ANO9: variants seen among roughly 807,000 people sequenced by gnomAD.
ANO9 encodes anoctamin-9.
ANO9 carries 80 observed loss-of-function variants against 100.5 expected under a neutral mutation model. That is an observed-to-expected ratio of 0.80 (90% confidence interval 0.66 to 0.96). ANO9 has a LOEUF of 0.96. ANO9 is among the 40% of genes least tolerant of loss of function. ANO9 has a pLI of 0.00. For synonymous variants in ANO9, 473 were observed against 435.6 expected (o/e 1.09, Z -1.07); for missense variants, 1,064 against 1,072.7 (o/e 0.99, Z 0.11).
chr11:439,837 C>G (rs772692875), intron 1 of ANO9, among the ~76,000 whole-genome samples: 34 of 152,312 alleles, frequency 2.2e-4, no homozygotes, highest in Non-Finnish European at 4.1e-4. Flanking sequence ...ACCCCCCGGC[C>G]CCTCCAGCTG....
At position 431,998 on chromosome 11, in the gene ANO9, C is replaced by G. The variant is rs199962954; in HGVS notation, c.406+1G>C. ...TGTCAGTGCCCCACCCCTGCCCTTA[C>G]CACCAGCCGAGGTCTTGTTGTTCAT... On this transcript the variant is annotated splice_donor_variant, in intron 5 of 22. Coordinates refer to ENST00000332826, the MANE Select transcript of ANO9 (RefSeq NM_001012302.3). LOFTEE classifies it high-confidence loss of function. 3.1e-6 allele frequency: 5 copies of G among 1,613,092 alleles called. No homozygotes were observed. The East Asian group carries it at 8.9e-5, about 29-fold the overall frequency.
At chr11:438,805 G>A (rs947442048) in intron 1 of ANO9, among the ~76,000 whole-genome samples, 23 of 152,254 alleles carry the variant, frequency 1.5e-4, no homozygotes, top group African/African-American at 4.8e-4. Flanking sequence ...CAGACTGTTC[G>A]GTTTATCCAC....
At chr11:420,905 G>A in intron 17 of ANO9, 40 bp downstream of exon 17, 2 of 1,595,858 alleles carry the variant, frequency 1.3e-6, no homozygotes, top group Non-Finnish European at 1.7e-6. Context: ...GGGGCGGAGG[G>A]GCCTGGGGCT....
At chr11:420,886 A>T (rs1275576036) in intron 17 of ANO9, 26 bp from the exon 18 acceptor site, 56 of 1,587,494 alleles carry the variant, frequency 3.5e-5, no homozygotes, top group Middle Eastern at 1.8e-4. Flanking sequence ...CGTGGCAGGG[A>T]GGGCGCAGGG....
At chr11:429,686 T>C (rs1021184931) in intron 10 of ANO9, 34 bp from the exon 11 acceptor site, 1 of 1,612,408 alleles carries the variant, frequency 6.2e-7, no homozygotes, top group Non-Finnish European at 8.5e-7. Flanking sequence ...ATCACTGCAC[T>C]ACGCCAGGTG....
At chr11:429,842 G>A (rs373298636) in intron 9 of ANO9, 24 bp from the exon 10 acceptor site, 12 of 1,575,170 alleles carry the variant, frequency 7.6e-6, no homozygotes, top group Admixed American at 1.8e-5. Context: ...AGGTGGGCCG[G>A]AGAGGAGGTG....
chr11:433,171 C>T (rs981519662), intron 4 of ANO9, 143 bp downstream of exon 4: 3 of 1,162,038 alleles, frequency 2.6e-6, no homozygotes, highest in Non-Finnish European at 3.5e-6. Context: ...GTGGGTCTCA[C>T]ACCTGTGGCC....
At chr11:438,565 C>T (rs558404040) in intron 1 of ANO9, among the ~76,000 whole-genome samples, 4 of 151,930 alleles carry the variant, frequency 2.6e-5, no homozygotes, top group South Asian at 2.1e-4. Context: ...CCTCCAGGAC[C>T]GGGCCGTCCA....
rs772988835 is a variant in ANO9, at chr11:428,215, C to T, written c.1223-16G>A. 5 of 1,611,180 alleles carry T rather than the reference C, an allele frequency of 3.1e-6. No individual in the cohort carries two copies. The African/African-American group carries it at 5.4e-5, about 17-fold the overall frequency. On this transcript the variant is annotated splice_polypyrimidine_tract_variant and intron_variant, in intron 14 of 22. Transcript: ENST00000332826. ...CTGGGCATCTCTGGAATGGGACCGG[C>T]CCTCACCTCTCTCCCTGCTCATAGG... is the stretch of plus-strand genomic sequence containing the variant.
At chr11:419,204 T>A in intron 20 of ANO9, 1 of 1,429,940 alleles carries the variant, frequency 7.0e-7, no homozygotes, top group East Asian at 2.5e-5. Context: ...CCAGCCACTT[T>A]CCCTGCCAGA....
Position 432,189 on chromosome 11 carries a change from G to T in ANO9, c.351-135C>A. 1 of 969,398 alleles carries T rather than the reference G, an allele frequency of 1.0e-6. No homozygotes were observed. 60.0% of individuals were successfully genotyped at this position (969,398 alleles called of 1,614,324 possible). On this transcript the variant is annotated intron_variant, in intron 4 of 22. Coordinates refer to ENST00000332826, the MANE Select transcript of ANO9 (RefSeq NM_001012302.3). The surrounding 1 kb of genome is among the most constrained non-coding windows in gnomAD (Gnocchi z 4.8). ...GCCCCCAGCCTGCCAGCCCTGACCA[G>T]AGCCCAGAATCCACAACTCACCCGG...
At position 421,153 on chromosome 11, in the gene ANO9, C is replaced by G; in HGVS notation, c.1380G>C (p.Trp460Cys). 1 of 1,568,520 alleles carries G rather than the reference C, an allele frequency of 6.4e-7. No homozygotes were observed. Among genetic ancestry groups the G allele is most frequent in the Non-Finnish European group, 8.7e-7 (1 of 1,152,464 alleles). Residue 460 changes from tryptophan (W) to cysteine (C), a missense_variant, in exon 16 of 23, where the codon TGG (tryptophan) becomes TGC (cysteine). Transcript: ENST00000332826. This position sits in a 1 kb window ranked among gnomAD's most constrained non-coding sequence, Gnocchi z 6.8. Reference protein sequence around the residue: ...PGKSTRLAGLWKLEECHASGC... With the variant: ...PGKSTRLAGLCKLEECHASGC... The stretch of plus-strand genomic sequence containing the variant: ...GGGGGTGACTGACCTCTTCCAGCTT[C>G]CACAAGCCCGCCAGGCGCGTGGACT...
At chr11:439,430 G>A (rs978923843) in intron 1 of ANO9, among the ~76,000 whole-genome samples, 4 of 110,984 alleles carry the variant, frequency 3.6e-5, no homozygotes, top group Non-Finnish European at 7.1e-5. Flanking sequence ...AGGCAGAGGA[G>A]ATGGTTGTGC....
chr11:433,499 T>TC, intron 3 of ANO9, 40 bp from the exon 4 acceptor site: 1 of 1,590,810 alleles, frequency 6.3e-7, no homozygotes, highest in Non-Finnish European at 8.6e-7. Context: ...CTCAGAACCC[T>TC]CCCCGCTCTA....
intron 11 of ANO9, 70 bp downstream of exon 11, chr11:429,500 C>A (rs1021235973): frequency 3.2e-6 from 5 of 1,582,240 alleles, no homozygotes; most frequent in Admixed American, 1.8e-5. Flanking sequence ...ATATGTGGGC[C>A]GTGCAGGGCA....
At chr11:426,011 C>T (rs1437999642) in intron 15 of ANO9, among the ~76,000 whole-genome samples, 2 of 152,114 alleles carry the variant, frequency 1.3e-5, no homozygotes, top group South Asian at 2.1e-4. Context: ...AGATGACAGG[C>T]GTGAGCCACC....
chr11:420,618 G>T lies in ANO9; in HGVS notation c.1634-3C>A, dbSNP rs967690543. 1.2e-6 allele frequency: 2 copies of T among 1,604,376 alleles called. No individual in the cohort carries two copies. Among genetic ancestry groups the T allele is most frequent in the Non-Finnish European group, 1.7e-6 (2 of 1,179,154 alleles). ...GGTGGTGAAGCCGTACTGGATCACT[G>T]CGCGGTGGGGGTCAGGCTCACCGGC... is the stretch of plus-strand genomic sequence containing the variant. On this transcript the variant is annotated splice_region_variant and splice_polypyrimidine_tract_variant and intron_variant, in intron 18 of 22. Coordinates refer to ENST00000332826, the MANE Select transcript of ANO9 (RefSeq NM_001012302.3).
Position 421,684 on chromosome 11 carries a change from C to T in ANO9, c.1335-486G>A, listed in dbSNP as rs1016747969. On this transcript the variant is annotated intron_variant, in intron 15 of 22. Transcript: ENST00000332826. The surrounding 1 kb of genome is among the most constrained non-coding windows in gnomAD (Gnocchi z 6.8). ...CACACACAGGCAAGGCCACAGGCTC[C>T]AACACACGCTCCAGACAGTGTCTGT... Among the ~76,000 whole-genome samples the T allele has an allele frequency of 9.9e-5, 15 of 152,238 alleles. No homozygotes were observed. The highest frequency in any genetic ancestry group is 1.9e-4 in the Non-Finnish European group (13 of 68,048).
intron 20 of ANO9, chr11:419,319 T>C: frequency 7.1e-7 from 1 of 1,407,870 alleles, no homozygotes; most frequent in Non-Finnish European, 9.2e-7. Flanking sequence ...AGGGAGCCGT[T>C]CTGGCAGGGC....
Sources: allele counts gnomAD v4.1 joint callset (sites outside exome capture counted in the v4.1 genomes callset), GRCh38; gene constraint gnomAD v4.1.1; non-coding constraint Gnocchi (gnomAD v3.1); transcripts MANE v1.5; gene names NCBI Gene and HGNC (gene_info 2026-07-23, HGNC 2026-07-21).